The following DPYSL5 variants were observed in gnomAD, a reference collection of about 807,000 sequenced individuals.
The protein encoded by DPYSL5 is dihydropyrimidinase-related protein 5.
DPYSL5 carries 9 observed loss-of-function variants against 58.4 expected under a neutral mutation model. The observed-to-expected ratio is 0.15, with a 90% CI of 0.09 to 0.27. The LOEUF is 0.27. Among genes scored for constraint, DPYSL5 ranks in the 10% least tolerant of loss-of-function variants. The pLI, the probability that DPYSL5 is intolerant of heterozygous loss-of-function variation, is 1.00. For missense variants in DPYSL5, 499 were observed against 770.6 expected, an observed-to-expected ratio of 0.65 and a Z score of 4.17; for synonymous variants, 293 against 301.9, an observed-to-expected ratio of 0.97 and a Z score of 0.31.
rs961816135 is a variant in DPYSL5, at chr2:26,925,508, A to G, written c.420+463A>G. Among the ~76,000 whole-genome samples, 6 of 152,164 alleles carry G rather than the reference A, an allele frequency of 3.9e-5. No homozygotes were observed. The highest frequency in any genetic ancestry group is 6.5e-5 in the Admixed American group (1 of 15,280). ...CTGCCTCAGTACTGTCTGGAATGAA[A>G]GGAATGTGGTATGCTTTTTTCCTAC... On this transcript the variant is annotated intron_variant, in intron 3 of 12. Transcript: ENST00000288699. This position sits in a 1 kb window ranked among gnomAD's most constrained non-coding sequence, Gnocchi z 4.5.
At chr2:26,932,058 AAAGAAAG>A (rs1665009265) in intron 6 of DPYSL5, among the ~76,000 whole-genome samples, 2 of 93,008 alleles carry the variant, frequency 2.2e-5, no homozygotes, top group Non-Finnish European at 4.2e-5. Context: ...GGAAAGAAAG[AAAGAAAG>A]AAAGAAAGAA....
intron 8 of DPYSL5, among the ~76,000 whole-genome samples, chr2:26,937,310 C>A (rs564834980): frequency 1.3e-5 from 2 of 152,136 alleles, no homozygotes; most frequent in Admixed American, 6.5e-5. Flanking sequence ...TGATAATAGT[C>A]TGAATCCCTT....
intron 6 of DPYSL5, among the ~76,000 whole-genome samples, chr2:26,932,167 G>GAA (rs1195135871): frequency 4.6e-5 from 3 of 65,014 alleles, no homozygotes; most frequent in East Asian, 8.6e-4. Context: ...AAGAAAGAAA[G>GAA]AAAGAAAGAA....
chr2:26,864,787 C>T (rs1385852546), intron 1 of DPYSL5, among the ~76,000 whole-genome samples: 1 of 152,088 alleles, frequency 6.6e-6, no homozygotes, highest in South Asian at 2.1e-4. Flanking sequence ...GCTTGGGCAG[C>T]AGGGGAGAGG....
chr2:26,921,213 G>T (rs1664694675), intron 2 of DPYSL5, among the ~76,000 whole-genome samples: 1 of 152,080 alleles, frequency 6.6e-6, no homozygotes, highest in Non-Finnish European at 1.5e-5. Context: ...TACCTTAAAA[G>T]AATAGCTCGG....
chr2:26,867,640 A>C (rs1408427414), intron 1 of DPYSL5, among the ~76,000 whole-genome samples: 1 of 151,572 alleles, frequency 6.6e-6, no homozygotes, highest in Admixed American at 6.6e-5. Flanking sequence ...TATTTTTAGT[A>C]GAGACGGGGT....
At chr2:26,866,977 G>C (rs543721421) in intron 1 of DPYSL5, among the ~76,000 whole-genome samples, 1 of 151,728 alleles carries the variant, frequency 6.6e-6, no homozygotes, top group Admixed American at 6.6e-5. Flanking sequence ...CAAATGATTC[G>C]CATGCCTCGG....
chr2:26,905,950 G>T lies in DPYSL5; in HGVS notation c.261+7190G>T, dbSNP rs1664277255. Among the ~76,000 whole-genome samples the T allele has an allele frequency of 6.6e-6, 1 of 152,126 alleles. No individual in the cohort carries two copies. Among genetic ancestry groups the T allele is most frequent in the Non-Finnish European group, 1.5e-5 (1 of 68,030 alleles). On this transcript the variant is annotated intron_variant, in intron 2 of 12. Transcript: ENST00000288699. The surrounding 1 kb of genome is among the most constrained non-coding windows in gnomAD (Gnocchi z 4.0). The stretch of plus-strand genomic sequence containing the variant: ...GCTGCATTCTCATCTGGAGTCCAGG[G>T]TTCTCTGCCAAGCTCGTGTAGTTGT...
At chr2:26,901,619 A>T (rs550726929) in intron 2 of DPYSL5, among the ~76,000 whole-genome samples, 1 of 152,138 alleles carries the variant, frequency 6.6e-6, no homozygotes, top group African/African-American at 2.4e-5. Context: ...AGGTTGATTC[A>T]CTTTAAGCAT....
chr2:26,913,952 TAA>T (rs71401539), intron 2 of DPYSL5, among the ~76,000 whole-genome samples: 211 of 132,232 alleles, frequency 1.6e-3, no homozygotes, highest in Middle Eastern at 4.3e-3. Flanking sequence ...TTCCAAAATG[TAA>T]AAAAAAAAAA....
At chr2:26,891,575 C>T (rs1403099107) in intron 1 of DPYSL5, among the ~76,000 whole-genome samples, 1 of 152,158 alleles carries the variant, frequency 6.6e-6, no homozygotes, top group Non-Finnish European at 1.5e-5. Context: ...CACCCATCTC[C>T]TTTCAAAAAG....
rs76841672 is a variant in DPYSL5 at position 26,935,828 on chromosome 2, A to G, written c.947+1094A>G. Among the ~76,000 whole-genome samples, 1,086 of 152,226 alleles carry G rather than the reference A, an allele frequency of 7.1e-3. 5 individuals are homozygous for G. Among genetic ancestry groups the G allele is most frequent in the Non-Finnish European group, 0.012 (819 of 68,004 alleles). Reference sequence around the variant, plus strand: ...CAGCTTGGGTTGGGGTAGGAGGACTAGGACAAAAGGCGAGGGGATTCTTCT... The same window carrying G: ...CAGCTTGGGTTGGGGTAGGAGGACTGGGACAAAAGGCGAGGGGATTCTTCT... On this transcript the variant is annotated intron_variant, in intron 8 of 12. Transcript: ENST00000288699.
At chr2:26,931,715 G>A in intron 6 of DPYSL5, 31 bp downstream of exon 6, 1 of 1,613,002 alleles carries the variant, frequency 6.2e-7, no homozygotes, top group Non-Finnish European at 8.5e-7. Flanking sequence ...TGTGGGATTA[G>A]AAACCAACCT....
At position 26,940,220 on chromosome 2, in the gene DPYSL5, C is replaced by G. The variant is rs761542505; in HGVS notation, c.1089+48C>G. 82 of 1,600,600 alleles carry G rather than the reference C, an allele frequency of 5.1e-5. No homozygotes were observed. In the Admixed American group the frequency reaches 5.4e-4, roughly 10 times the overall value. ...CCGATCTGATCCCTGCTCTAATCCC[C>G]GTTTCATCCCCGTTCTAATCCCAAT... On this transcript the variant is annotated intron_variant, in intron 9 of 12. Coordinates refer to ENST00000288699, the MANE Select transcript of DPYSL5 (RefSeq NM_020134.4).
chr2:26,864,853 T>G (rs1253814269), intron 1 of DPYSL5, among the ~76,000 whole-genome samples: 1 of 152,102 alleles, frequency 6.6e-6, no homozygotes, highest in African/African-American at 2.4e-5. Context: ...CTCCCCTGTT[T>G]CCACCTCTTC....
intron 2 of DPYSL5, among the ~76,000 whole-genome samples, chr2:26,911,174 T>A (rs1480223403): frequency 6.7e-6 from 1 of 149,184 alleles, no homozygotes; most frequent in Non-Finnish European, 1.5e-5. Context: ...TGACCATACA[T>A]GTGCCAGCCT....
In DPYSL5 at chr2:26,934,498, C is replaced by A. The variant is rs774128429; in HGVS notation, c.791-80C>A. The A allele has an allele frequency of 2.8e-5, 42 of 1,526,684 alleles. No homozygotes were observed. Among genetic ancestry groups the A allele is most frequent in the Non-Finnish European group, 3.5e-5 (40 of 1,130,892 alleles). 94.6% of individuals were successfully genotyped at this position (1,526,684 alleles called of 1,614,324 possible). A position where few individuals can be genotyped will look rare whatever the true frequency, so the allele number is the denominator to read the frequency against. The stretch of plus-strand genomic sequence containing the variant: ...CTGTCTCTGACCTCAGCTCCTTCAC[C>A]TGTAAAATGAGAGGCACACACCAGC... On this transcript the variant is annotated intron_variant, in intron 7 of 12. Coordinates refer to ENST00000288699, the MANE Select transcript of DPYSL5 (RefSeq NM_020134.4). The surrounding 1 kb of genome is among the most constrained non-coding windows in gnomAD (Gnocchi z 4.3).
chr2:26,911,691 T>C (rs1323366019), intron 2 of DPYSL5, among the ~76,000 whole-genome samples: 2 of 152,200 alleles, frequency 1.3e-5, no homozygotes, highest in African/African-American at 4.8e-5. Context: ...ATTAAACTTT[T>C]CCTGGACTGA....
At chr2:26,930,141 TA>T (rs1664933924) in intron 5 of DPYSL5, among the ~76,000 whole-genome samples, 1 of 152,148 alleles carries the variant, frequency 6.6e-6, no homozygotes, top group Non-Finnish European at 1.5e-5. Context: ...CCCTTGAATA[TA>T]GGTCCTGTTT....
Sources: gnomAD v4.1 joint callset for allele counts (sites outside exome capture counted in the v4.1 genomes callset) on GRCh38, gnomAD v4.1.1 for gene constraint, Gnocchi (gnomAD v3.1) non-coding constraint, MANE v1.5 for transcripts, NCBI Gene and HGNC (gene_info 2026-07-23, HGNC 2026-07-21) for gene names.